Variants in CDK5RAP2 observed in about 807,000 individuals in gnomAD.
CDK5RAP2 encodes CDK5 regulatory subunit associated protein 2.
CDK5RAP2 carries 147 observed loss-of-function variants against 232.9 expected under a neutral mutation model. The observed-to-expected ratio is 0.63, with a 90% CI of 0.55 to 0.72. The LOEUF (loss-of-function observed/expected upper bound fraction) is 0.72, where lower values mean the gene tolerates loss of function less well. Among genes scored for constraint, CDK5RAP2 ranks in the 30% least tolerant of loss-of-function variants. CDK5RAP2 has a pLI of 0.00. For synonymous variants in CDK5RAP2, 833 were observed against 833.7 expected, an observed-to-expected ratio of 1.00 and a Z score of 0.01; for missense variants, 2,195 against 2,231.5, an observed-to-expected ratio of 0.98 and a Z score of 0.33.
At chr9:120,469,214 G>C (rs2131514097) in intron 17 of CDK5RAP2, among the ~76,000 whole-genome samples, 1 of 152,158 alleles carries the variant, frequency 6.6e-6, no homozygotes. Flanking sequence ...TTTCTCTGCT[G>C]AGAAAGTGGA....
Position 120,519,259 on chromosome 9 carries a change from C to T in CDK5RAP2, c.1093-614G>A, listed in dbSNP as rs2040509559. On this transcript the variant is annotated intron_variant, in intron 11 of 37. Coordinates refer to ENST00000349780, the MANE Select transcript of CDK5RAP2 (RefSeq NM_018249.6). ...CTTTAGTTGGGTGGGACTATAGTTA[C>T]TTTTTTTTGTCATAACTCTGTATTT... Among the ~76,000 whole-genome samples, 11 of 151,424 alleles carry T rather than the reference C, an allele frequency of 7.3e-5. No homozygotes were observed. In the South Asian group the frequency reaches 2.3e-3, roughly 32 times the overall value.
chr9:120,553,738 T>C (rs1488310190), intron 3 of CDK5RAP2, among the ~76,000 whole-genome samples: 2 of 152,190 alleles, frequency 1.3e-5, no homozygotes, highest in Admixed American at 6.5e-5. Flanking sequence ...CCTGCATGTA[T>C]GTTACATTTC....
intron 12 of CDK5RAP2, among the ~76,000 whole-genome samples, chr9:120,496,604 T>G (rs1588486448): frequency 7.5e-5 from 10 of 134,010 alleles, no homozygotes; most frequent in African/African-American, 1.7e-4. Flanking sequence ...GTCCGGGAGG[T>G]GAGGGGCGCC....
intron 5 of CDK5RAP2, among the ~76,000 whole-genome samples, chr9:120,540,003 C>A (rs577513753): frequency 6.6e-6 from 1 of 152,190 alleles, no homozygotes; most frequent in Non-Finnish European, 1.5e-5. Flanking sequence ...AATCTGTTTG[C>A]GCACTAGCTA....
At chr9:120,507,789 T>C (rs73660268) in intron 12 of CDK5RAP2, among the ~76,000 whole-genome samples, 3,037 of 151,540 alleles carry the variant, frequency 0.02, 97 homozygotes, top group African/African-American at 0.07. Flanking sequence ...TGTCAACTAA[T>C]GGCCTCAATT....
At chr9:120,556,123 C>A (rs145139739) in intron 3 of CDK5RAP2, among the ~76,000 whole-genome samples, 1 of 152,098 alleles carries the variant, frequency 6.6e-6, no homozygotes, top group South Asian at 2.1e-4. Context: ...GATCATTACA[C>A]GTGCCAAGAA....
intron 3 of CDK5RAP2, among the ~76,000 whole-genome samples, chr9:120,553,830 C>G (rs2042131247): frequency 6.6e-6 from 1 of 152,158 alleles, no homozygotes; most frequent in Non-Finnish European, 1.5e-5. Flanking sequence ...GGTATAATCG[C>G]AGCTCACTGC....
intron 3 of CDK5RAP2, among the ~76,000 whole-genome samples, chr9:120,555,164 G>A (rs1486667227): frequency 6.6e-6 from 1 of 151,806 alleles, no homozygotes. Context: ...GTGGGTAGAC[G>A]GAGTCTCGCT....
At position 120,413,830 on chromosome 9, in the gene CDK5RAP2, A is replaced by AGGAGGGAAGGAGGAG. The variant is rs1588270136; in HGVS notation, c.4297+1209_4297+1210insCTCCTCCTTCCCTCC. On this transcript the variant is annotated intron_variant, in intron 28 of 37. Transcript: ENST00000349780. ...AGCGAGGAGGGAGGAGGGAGGAGGG[A>AGGAGGGAAGGAGGAG]GGAGGGAGGAGGGAAGGAGGAGGGA... is the stretch of plus-strand genomic sequence containing the variant. 1.4e-4 allele frequency among the ~76,000 whole-genome samples: 13 copies of AGGAGGGAAGGAGGAG among 93,264 alleles called. No individual in the cohort carries two copies. The East Asian group carries it at 6.5e-3, about 47-fold the overall frequency. The allele number at this position is 93,264 out of a possible 152,430, so 61.2% of individuals were successfully genotyped here.
At chr9:120,389,840 C>A in intron 36 of CDK5RAP2, 53 bp from the exon 37 acceptor site, 2 of 1,568,668 alleles carry the variant, frequency 1.3e-6, no homozygotes, top group Non-Finnish European at 1.8e-6. Context: ...TCCAGGAGAG[C>A]TGTGTGAAAG....
intron 20 of CDK5RAP2, among the ~76,000 whole-genome samples, chr9:120,454,867 T>A (rs1361323207): frequency 1.3e-5 from 2 of 152,198 alleles, no homozygotes; most frequent in Non-Finnish European, 2.9e-5. Context: ...GCACCCTTAT[T>A]GACTTTGCTT....
At chr9:120,414,700 G>A (rs1039918432) in intron 28 of CDK5RAP2, among the ~76,000 whole-genome samples, 18 of 152,184 alleles carry the variant, frequency 1.2e-4, no homozygotes, top group East Asian at 1.9e-4. Context: ...CACTCTATTC[G>A]GAGCTAACTG....
intron 21 of CDK5RAP2, among the ~76,000 whole-genome samples, chr9:120,449,306 G>A (rs1050186114): frequency 9.9e-5 from 15 of 152,206 alleles, no homozygotes; most frequent in African/African-American, 3.4e-4. Context: ...AATGGGACTT[G>A]ATTTCCAAGA....
rs558467889 is a variant in CDK5RAP2, at chr9:120,423,301, T to C, written c.3956-560A>G. Among the ~76,000 whole-genome samples, 5 of 152,336 alleles carry C rather than the reference T, an allele frequency of 3.3e-5. No homozygotes were observed. The South Asian group carries it at 8.3e-4, about 25-fold the overall frequency. ...TACCACAATTTTGCCAGTTCTCTAT[T>C]TGACACTTAGGTCATTTGCAAATTT... is the stretch of plus-strand genomic sequence containing the variant. On this transcript the variant is annotated intron_variant, in intron 25 of 37. Coordinates refer to ENST00000349780, the MANE Select transcript of CDK5RAP2 (RefSeq NM_018249.6).
intron 12 of CDK5RAP2, among the ~76,000 whole-genome samples, chr9:120,514,294 T>C (rs1470725453): frequency 6.6e-6 from 1 of 152,090 alleles, no homozygotes; most frequent in Admixed American, 6.5e-5. Context: ...TGAAACAAAA[T>C]ACCACTTTTT....
In CDK5RAP2 at chr9:120,539,091, C is replaced by A. The variant is rs1261615922; in HGVS notation, c.457G>T (p.Val153Leu). ...GTTAGGAGATCTTCCACCTGCTGCA[C>A]CTTCTTTCGAGCATCTTCTTTCACC... is the stretch of plus-strand genomic sequence containing the variant. ...QRVKEDARKK[V>L]QQVEDLLTKR... The change falls in exon 6 of 38, where the codon GTG becomes TTG. Residue 153 changes from valine to leucine, a missense_variant. Coordinates refer to ENST00000349780, the MANE Select transcript of CDK5RAP2 (RefSeq NM_018249.6). The A allele has an allele frequency of 6.2e-7, 1 of 1,613,874 alleles. No individual in the cohort carries two copies. Among genetic ancestry groups the A allele is most frequent in the Non-Finnish European group, 8.5e-7 (1 of 1,179,872 alleles).
At chr9:120,468,913 T>C (rs759382735) in intron 17 of CDK5RAP2, among the ~76,000 whole-genome samples, 1 of 152,154 alleles carries the variant, frequency 6.6e-6, no homozygotes, top group Non-Finnish European at 1.5e-5. Context: ...TGAGTACACA[T>C]AGTAGATATC....
intron 11 of CDK5RAP2, among the ~76,000 whole-genome samples, chr9:120,521,530 C>T (rs1405155388): frequency 2.0e-5 from 3 of 152,124 alleles, no homozygotes; most frequent in Non-Finnish European, 4.4e-5. Flanking sequence ...TTCCCCTGCA[C>T]ATGCTCTCTT....
chr9:120,463,199 G>A (rs1386024686), intron 18 of CDK5RAP2, among the ~76,000 whole-genome samples: 2 of 152,060 alleles, frequency 1.3e-5, no homozygotes, highest in Non-Finnish European at 2.9e-5. Context: ...GTGAAATCTT[G>A]TCTCTACTAA....
Sources: gnomAD v4.1 joint callset for allele counts (sites outside exome capture counted in the v4.1 genomes callset) on GRCh38, gnomAD v4.1.1 for gene constraint, MANE v1.5 for transcripts, NCBI Gene and HGNC (gene_info 2026-07-23, HGNC 2026-07-21) for gene names.